The following SPTBN1 variants were observed in gnomAD, a reference collection of about 807,000 sequenced individuals.
SPTBN1 encodes spectrin beta chain, non-erythrocytic 1.
Under a neutral mutation model 266.4 loss-of-function variants are expected in SPTBN1, and 32 were observed. That is an observed-to-expected ratio of 0.12 (90% CI 0.09 to 0.16). SPTBN1 has a LOEUF of 0.16. Ranked by LOEUF, SPTBN1 falls within the 10% of genes least tolerant of loss-of-function variation. SPTBN1 has a pLI of 1.00. For missense variants in SPTBN1, 2,296 were observed against 3,067.1 expected (o/e 0.75, Z 5.94); for synonymous variants, 1,336 against 1,162.2 (o/e 1.15, Z -3.04).
chr2:54,526,332 A>G, intron 1 of SPTBN1, 40 bp from the exon 2 acceptor site: 1 of 1,537,390 alleles, frequency 6.5e-7, no homozygotes, highest in Non-Finnish European at 8.8e-7. Context: ...GACTGTATAC[A>G]CTTCAGACGT....
chr2:54,508,467 T>G (rs1176583829), intron 1 of SPTBN1, among the ~76,000 whole-genome samples: 3 of 152,306 alleles, frequency 2.0e-5, no homozygotes, highest in African/African-American at 7.2e-5. Flanking sequence ...AAAAGTGATT[T>G]CCTTGAGGAT....
chr2:54,641,693 C>G (rs1679574479), intron 18 of SPTBN1, among the ~76,000 whole-genome samples: 1 of 151,278 alleles, frequency 6.6e-6, no homozygotes, highest in Non-Finnish European at 1.5e-5. Context: ...GCCCCATTCC[C>G]TGTGTGGTGA....
intron 1 of SPTBN1, among the ~76,000 whole-genome samples, chr2:54,515,047 A>G (rs1452109556): frequency 6.6e-6 from 1 of 152,178 alleles, no homozygotes; most frequent in Non-Finnish European, 1.5e-5. Context: ...TAACATCACT[A>G]TTGCAAAACC....
At chr2:54,562,522 C>T (rs142203967) in intron 2 of SPTBN1, among the ~76,000 whole-genome samples, 4 of 42,290 alleles carry the variant, frequency 9.5e-5, no homozygotes, top group Non-Finnish European at 1.8e-4. Context: ...GCTTACTTTT[C>T]TTTTCTTTTT....
chr2:54,648,874 G>T, intron 24 of SPTBN1, 112 bp from the exon 25 acceptor site: 1 of 1,044,610 alleles, frequency 9.6e-7, no homozygotes, highest in Non-Finnish European at 1.4e-6. Flanking sequence ...AGTTTCCTTT[G>T]AGAAATATGA....
chr2:54,612,468 T>C (rs1249055711), intron 4 of SPTBN1, 134 bp downstream of exon 4: 4 of 1,032,078 alleles, frequency 3.9e-6, no homozygotes, highest in Non-Finnish European at 1.4e-6. Flanking sequence ...GTCATGTGTG[T>C]CATATCCAGC....
In SPTBN1 at chr2:54,658,067, TTGTC is replaced by T. The variant is rs754530280; in HGVS notation, c.6243+25_6243+28del. ...CTACAGTAAGTGGCCGCTGGGCCCT[TTGTC>T]TGTTGGTGCCCTGGGCAGCCTTTTC... On this transcript the variant is annotated intron_variant, in intron 30 of 35. Transcript: ENST00000356805. 5.0e-6 allele frequency: 8 copies of T among 1,613,950 alleles called. No homozygotes were observed. The South Asian group carries it at 5.5e-5, about 11-fold the overall frequency.
intron 1 of SPTBN1, among the ~76,000 whole-genome samples, chr2:54,508,285 C>T (rs1257633758): frequency 6.6e-6 from 1 of 152,184 alleles, no homozygotes; most frequent in Non-Finnish European, 1.5e-5. Flanking sequence ...CTCTACCCAT[C>T]CAGTGAAAGT....
rs1257721755 is a variant in SPTBN1, at chr2:54,629,627, T to C, written c.2493T>C (p.Tyr831=). 6.2e-7 allele frequency: 1 copy of C among 1,613,820 alleles called. No individual in the cohort carries two copies. Among genetic ancestry groups the C allele is most frequent in the Admixed American group, 1.7e-5 (1 of 60,026 alleles). ...RGRLSGIEER[Y]KEVAELTRLR... ...GGCTGTCGGGCATCGAGGAGCGGTA[T>C]AAGGAGGTGGCAGAGCTGACGCGGC... The change falls in exon 14 of 36, where the codon TAT becomes TAC. Residue 831 remains tyrosine (Y), a synonymous_variant. Transcript: ENST00000356805.
chr2:54,562,397 C>G (rs1673362591), intron 2 of SPTBN1, among the ~76,000 whole-genome samples: 1 of 152,198 alleles, frequency 6.6e-6, no homozygotes, highest in South Asian at 2.1e-4. Context: ...CTAATATATT[C>G]CATTCAAATC....
chr2:54,641,496 G>C (rs1204671235), intron 18 of SPTBN1, among the ~76,000 whole-genome samples: 1 of 152,154 alleles, frequency 6.6e-6, no homozygotes, highest in African/African-American at 2.4e-5. Flanking sequence ...TCAGATTTTA[G>C]CTGCCCAGAT....
intron 2 of SPTBN1, among the ~76,000 whole-genome samples, chr2:54,562,735 T>TGTGTGTGTGTGTGTG (rs1553447726): frequency 1.3e-5 from 2 of 149,766 alleles, no homozygotes; most frequent in African/African-American, 4.9e-5. Flanking sequence ...TGTGTGTGTG[T>TGTGTGTGTGTGTGTG]TTTGTAGAGA....
chr2:54,635,106 A>T (rs1309254904), intron 17 of SPTBN1, among the ~76,000 whole-genome samples: 3 of 152,198 alleles, frequency 2.0e-5, no homozygotes, highest in African/African-American at 7.2e-5. Context: ...CATCTGCTTC[A>T]TGTGATGAGG....
intron 1 of SPTBN1, among the ~76,000 whole-genome samples, chr2:54,483,292 G>A (rs960517695): frequency 1.3e-5 from 2 of 152,142 alleles, no homozygotes; most frequent in Non-Finnish European, 1.5e-5. Context: ...TTGGAGCACT[G>A]GGCACCACGG....
At position 54,622,496 on chromosome 2, in the gene SPTBN1, C is replaced by T; in HGVS notation, c.1064+9C>T. 1 of 1,612,820 alleles carries T rather than the reference C, an allele frequency of 6.2e-7. No homozygotes were observed. Among genetic ancestry groups the T allele is most frequent in the South Asian group, 1.1e-5 (1 of 90,866 alleles). ...GTGGAGAAACCACCCAAGTAAGATG[C>T]ATATTGTAGTGTGATCATTAATATG... On this transcript the variant is annotated intron_variant, in intron 9 of 35. Coordinates refer to ENST00000356805, the MANE Select transcript of SPTBN1 (RefSeq NM_003128.3).
intron 3 of SPTBN1, among the ~76,000 whole-genome samples, chr2:54,609,350 A>C (rs1677065811): frequency 2.0e-5 from 3 of 152,028 alleles, no homozygotes; most frequent in Admixed American, 1.3e-4. Context: ...CATATCCACA[A>C]CCTCTTTCAT....
At chr2:54,545,949 T>A (rs1672212121) in intron 2 of SPTBN1, among the ~76,000 whole-genome samples, 1 of 152,194 alleles carries the variant, frequency 6.6e-6, no homozygotes, top group Non-Finnish European at 1.5e-5. Flanking sequence ...GATAGCAACC[T>A]TTGTCCTTCT....
intron 1 of SPTBN1, among the ~76,000 whole-genome samples, chr2:54,494,338 A>G (rs1464648636): frequency 6.6e-6 from 1 of 152,212 alleles, no homozygotes; most frequent in African/African-American, 2.4e-5. Context: ...TTAACAAATT[A>G]CAGTATGACC....
At chr2:54,471,887 T>C (rs545735778) in intron 1 of SPTBN1, among the ~76,000 whole-genome samples, 25 of 149,492 alleles carry the variant, frequency 1.7e-4, no homozygotes, top group Non-Finnish European at 2.7e-4. Context: ...TAACATCTTA[T>C]GTTGAATGAT....
Sources: gnomAD v4.1 joint callset for allele counts (sites outside exome capture counted in the v4.1 genomes callset) on GRCh38, gnomAD v4.1.1 for gene constraint, MANE v1.5 for transcripts, NCBI Gene and HGNC (gene_info 2026-07-23, HGNC 2026-07-21) for gene names.